Variants in GPR149 observed in about 807,000 individuals in gnomAD.
GPR149 encodes G protein-coupled receptor 149, also known as probable G protein-coupled receptor 149.
GPR149 carries 50 observed loss-of-function variants against 50.2 expected under a neutral mutation model. The observed-to-expected ratio is 1.00, with a 90% CI of 0.79 to 1.26. GPR149 has a LOEUF of 1.26. Among genes scored for constraint, GPR149 ranks in the 50% most tolerant of loss-of-function variants. The probability of loss-of-function intolerance (pLI) is 0.00; values close to 1 mark genes in which losing one functional copy is unlikely to be tolerated. For synonymous variants in GPR149, 405 were observed against 358.2 expected (o/e 1.13, Z -1.48); for missense variants, 983 against 895.4 (o/e 1.10, Z -1.25).
chr3:154,337,546 C>A lies in GPR149; in HGVS notation c.*153G>T. 2 of 566,672 alleles carry A rather than the reference C, an allele frequency of 3.5e-6. No individual in the cohort carries two copies. The highest frequency in any genetic ancestry group is 6.1e-6 in the Non-Finnish European group (2 of 330,368). 35.1% of individuals were successfully genotyped at this position (566,672 alleles called of 1,614,324 possible). A position where few individuals can be genotyped will look rare whatever the true frequency, so the allele number is the denominator to read the frequency against. ...CATCAAATGCACTTAAGTGTTTACA[C>A]TAGTTCCAGTTGTTCCCACAAAAAA... is the stretch of plus-strand genomic sequence containing the variant. On this transcript the variant is annotated 3_prime_UTR_variant, in exon 4 of 4. Coordinates refer to ENST00000389740, the MANE Select transcript of GPR149 (RefSeq NM_001038705.3).
intron 3 of GPR149, among the ~76,000 whole-genome samples, chr3:154,365,673 C>T (rs1002655842): frequency 6.6e-6 from 1 of 152,206 alleles, no homozygotes; most frequent in Non-Finnish European, 1.5e-5. Flanking sequence ...TGTCTTAGTT[C>T]ATGGCCCTTA....
intron 3 of GPR149, among the ~76,000 whole-genome samples, chr3:154,366,895 T>C (rs1422099833): frequency 3.3e-5 from 5 of 152,252 alleles, no homozygotes; most frequent in Admixed American, 1.3e-4. Flanking sequence ...TGGTCACTCA[T>C]ATTGGCTCAG....
At chr3:154,385,323 G>A (rs553395795) in intron 3 of GPR149, among the ~76,000 whole-genome samples, 15 of 152,236 alleles carry the variant, frequency 9.9e-5, no homozygotes, top group African/African-American at 3.6e-4. Context: ...CATATTTTTT[G>A]TACCGGTTGT....
intron 3 of GPR149, among the ~76,000 whole-genome samples, chr3:154,377,041 G>T (rs1027235619): frequency 7.7e-6 from 1 of 129,296 alleles, no homozygotes; most frequent in Non-Finnish European, 1.6e-5. Context: ...TGGTAGCCCT[G>T]AATTAAAAAA....
At chr3:154,373,130 T>C (rs887922324) in intron 3 of GPR149, among the ~76,000 whole-genome samples, 2 of 152,068 alleles carry the variant, frequency 1.3e-5, no homozygotes, top group East Asian at 3.9e-4. Context: ...TTAAGGAACA[T>C]GGACATTTAA....
intron 3 of GPR149, among the ~76,000 whole-genome samples, chr3:154,359,933 C>G (rs755699164): frequency 7.9e-5 from 12 of 152,146 alleles, no homozygotes; most frequent in Non-Finnish European, 1.2e-4. Context: ...CACAGAATCT[C>G]TCTCATCCAG....
chr3:154,420,774 A>G (rs1712119117), intron 3 of GPR149, among the ~76,000 whole-genome samples: 1 of 151,964 alleles, frequency 6.6e-6, no homozygotes, highest in African/African-American at 2.4e-5. Context: ...AGGTTACTTG[A>G]GGTTAAAAAA....
intron 2 of GPR149, among the ~76,000 whole-genome samples, chr3:154,425,180 T>G (rs928150939): frequency 1.3e-5 from 2 of 152,084 alleles, no homozygotes; most frequent in Non-Finnish European, 2.9e-5. Context: ...CATTTTCTGG[T>G]TGCACTTCTC....
intron 3 of GPR149, among the ~76,000 whole-genome samples, chr3:154,410,529 C>CT (rs1470538842): frequency 6.6e-6 from 1 of 151,794 alleles, no homozygotes; most frequent in Non-Finnish European, 1.5e-5. Context: ...CAAAAGTGAG[C>CT]AAGAGTAGCT....
At chr3:154,419,821 T>C (rs1712087138) in intron 3 of GPR149, among the ~76,000 whole-genome samples, 1 of 152,054 alleles carries the variant, frequency 6.6e-6, no homozygotes, top group African/African-American at 2.4e-5. Flanking sequence ...ATTCCCCTCT[T>C]AGCTAGGGAA....
chr3:154,384,870 A>G (rs1257584142), intron 3 of GPR149, among the ~76,000 whole-genome samples: 1 of 152,204 alleles, frequency 6.6e-6, no homozygotes, highest in Non-Finnish European at 1.5e-5. Context: ...ACAACTATAG[A>G]ATAGTTATCA....
At chr3:154,361,566 A>G (rs1180886689) in intron 3 of GPR149, among the ~76,000 whole-genome samples, 1 of 152,160 alleles carries the variant, frequency 6.6e-6, no homozygotes, top group Non-Finnish European at 1.5e-5. Flanking sequence ...TGTATATTTT[A>G]ATTTTACAGG....
chr3:154,410,402 A>G (rs1445666134), intron 3 of GPR149, among the ~76,000 whole-genome samples: 1 of 152,196 alleles, frequency 6.6e-6, no homozygotes, highest in Non-Finnish European at 1.5e-5. Context: ...ATTGAATGTA[A>G]ATGGTCTAAA....
chr3:154,408,393 T>G (rs1323606182), intron 3 of GPR149, among the ~76,000 whole-genome samples: 1 of 152,214 alleles, frequency 6.6e-6, no homozygotes, highest in African/African-American at 2.4e-5. Flanking sequence ...GTGAGTCAGC[T>G]TGCATTCTCA....
At chr3:154,424,750 T>C (rs1022042980) in intron 2 of GPR149, among the ~76,000 whole-genome samples, 3 of 151,890 alleles carry the variant, frequency 2.0e-5, no homozygotes, top group Non-Finnish European at 2.9e-5. Flanking sequence ...TGATAAAATA[T>C]GAATTAGCTC....
At chr3:154,425,557 A>G (rs1037333278) in intron 2 of GPR149, among the ~76,000 whole-genome samples, 1 of 152,134 alleles carries the variant, frequency 6.6e-6, no homozygotes, top group Non-Finnish European at 1.5e-5. Context: ...AGCCTGGATC[A>G]TAAGAGGGAA....
chr3:154,368,337 C>T (rs1043539593), intron 3 of GPR149, among the ~76,000 whole-genome samples: 3 of 152,192 alleles, frequency 2.0e-5, no homozygotes, highest in Admixed American at 1.3e-4. Context: ...GGGTAGTGCC[C>T]AGAGGATCCC....
At chr3:154,416,945 G>A (rs1712010398) in intron 3 of GPR149, among the ~76,000 whole-genome samples, 1 of 151,876 alleles carries the variant, frequency 6.6e-6, no homozygotes. Context: ...ATAAATGAGT[G>A]AGTTTCTGGA....
chr3:154,402,251 A>T (rs1711565311), intron 3 of GPR149, among the ~76,000 whole-genome samples: 1 of 151,952 alleles, frequency 6.6e-6, no homozygotes, highest in African/African-American at 2.4e-5. Context: ...AAATATTTTC[A>T]GTTTTTAAAA....
Sources: gnomAD v4.1 joint callset for allele counts (sites outside exome capture counted in the v4.1 genomes callset) on GRCh38, gnomAD v4.1.1 for gene constraint, MANE v1.5 for transcripts, NCBI Gene and HGNC (gene_info 2026-07-23, HGNC 2026-07-21) for gene names.